Variants in CPNE4 observed in about 807,000 individuals in gnomAD.
The protein encoded by CPNE4 is copine-4.
CPNE4 carries 25 observed loss-of-function variants against 67.9 expected under a neutral mutation model. The observed-to-expected ratio is 0.37, with a 90% CI of 0.27 to 0.51. CPNE4 has a LOEUF of 0.51. CPNE4 is among the 20% of genes least tolerant of loss of function. The pLI is 0.93. For synonymous variants in CPNE4, 242 were observed against 244.9 expected (o/e 0.99, Z 0.11); for missense variants, 464 against 690.8 (o/e 0.67, Z 3.68).
intron 2 of CPNE4, among the ~76,000 whole-genome samples, chr3:131,877,152 A>T (rs896394206): frequency 6.6e-6 from 1 of 152,192 alleles, no homozygotes; most frequent in African/African-American, 2.4e-5. Context: ...CCATTGAGAT[A>T]TAAGCAGAAA....
At position 131,853,523 on chromosome 3, in the gene CPNE4, G is replaced by C. The variant is rs141102703; in HGVS notation, c.180+51741C>G. 5.6e-3 allele frequency among the ~76,000 whole-genome samples: 840 copies of C among 151,244 alleles called. 4 individuals are homozygous for C. Among genetic ancestry groups the C allele is most frequent in the Non-Finnish European group, 8.5e-3 (574 of 67,608 alleles). On this transcript the variant is annotated intron_variant, in intron 2 of 15. Coordinates refer to ENST00000429747, the MANE Select transcript of CPNE4 (RefSeq NM_130808.3). ...CTTTGGGAAAGACAATTATTTCTTG[G>C]GTAAGATACAACATGCAATAAACAT...
intron 1 of CPNE4, among the ~76,000 whole-genome samples, chr3:131,915,047 T>C (rs915361656): frequency 6.6e-6 from 1 of 151,932 alleles, no homozygotes; most frequent in African/African-American, 2.4e-5. Context: ...TAAAACACAC[T>C]GTTTTATTTA....
chr3:131,753,859 A>G (rs2175758), intron 2 of CPNE4, among the ~76,000 whole-genome samples: 31,593 of 152,014 alleles, frequency 0.21, 4,040 homozygotes, highest in Non-Finnish European at 0.28. Flanking sequence ...GCAAACTATT[A>G]GCAACATCTA....
At chr3:131,700,672 A>G (rs1233590473) in intron 3 of CPNE4, among the ~76,000 whole-genome samples, 1 of 152,180 alleles carries the variant, frequency 6.6e-6, no homozygotes, top group Admixed American at 6.5e-5. Context: ...GCAACCCATG[A>G]TTCTCAAAGG....
intron 2 of CPNE4, among the ~76,000 whole-genome samples, chr3:131,882,137 T>TACAC (rs35615774): frequency 3.0e-4 from 45 of 150,782 alleles, no homozygotes; most frequent in East Asian, 1.9e-3. Context: ...TCAGTTCTAA[T>TACAC]ACACACACAC....
chr3:131,727,395 C>T (rs2107753952), intron 2 of CPNE4, among the ~76,000 whole-genome samples: 1 of 152,036 alleles, frequency 6.6e-6, no homozygotes, highest in African/African-American at 2.4e-5. Context: ...GAAATCAAGA[C>T]CATCCTGCCT....
intron 1 of CPNE4, among the ~76,000 whole-genome samples, chr3:132,015,431 G>A (rs2073867997): frequency 6.6e-6 from 1 of 152,026 alleles, no homozygotes; most frequent in African/African-American, 2.4e-5. Flanking sequence ...AGAAGGGAAG[G>A]AAAGCTCCAA....
At chr3:131,835,830 G>A (rs1661701244) in intron 2 of CPNE4, among the ~76,000 whole-genome samples, 1 of 152,172 alleles carries the variant, frequency 6.6e-6, no homozygotes, top group Non-Finnish European at 1.5e-5. Flanking sequence ...AAGCATGGCT[G>A]CTGCAGATAG....
intron 2 of CPNE4, among the ~76,000 whole-genome samples, chr3:131,897,267 C>T (rs1294786043): frequency 1.3e-5 from 2 of 152,070 alleles, no homozygotes; most frequent in African/African-American, 2.4e-5. Context: ...TCACTAGTCT[C>T]GTGACCTGAA....
chr3:131,997,173 G>A (rs1245107613), intron 1 of CPNE4, among the ~76,000 whole-genome samples: 1 of 152,028 alleles, frequency 6.6e-6, no homozygotes, highest in Non-Finnish European at 1.5e-5. Context: ...TTACTTCCCA[G>A]GATATTAAAA....
intron 2 of CPNE4, among the ~76,000 whole-genome samples, chr3:131,863,224 A>C (rs1322341309): frequency 6.6e-6 from 1 of 152,214 alleles, no homozygotes; most frequent in African/African-American, 2.4e-5. Context: ...GTACATACCC[A>C]GTAATGGGAT....
chr3:131,622,890 CAGA>C (rs1559999782), intron 7 of CPNE4, among the ~76,000 whole-genome samples: 1 of 152,186 alleles, frequency 6.6e-6, no homozygotes, highest in African/African-American at 2.4e-5. Context: ...CCCTAGAACA[CAGA>C]AGTTTATCAT....
chr3:131,652,813 G>C (rs1349206784), intron 7 of CPNE4, among the ~76,000 whole-genome samples: 1 of 152,174 alleles, frequency 6.6e-6, no homozygotes, highest in Non-Finnish European at 1.5e-5. Flanking sequence ...TTGTCCAACT[G>C]TCCTGGTTCA....
Position 131,979,231 on chromosome 3 carries a change from C to T in CPNE4, c.-2+55336G>A, listed in dbSNP as rs555160255. On this transcript the variant is annotated intron_variant, in intron 1 of 15. Coordinates refer to ENST00000429747, the MANE Select transcript of CPNE4 (RefSeq NM_130808.3). ...TCCATTTGTTCCATATAGTTTAAAT[C>T]GTTTCTTTGTTGACTTTGTCTTGAT... 3.3e-5 allele frequency among the ~76,000 whole-genome samples: 5 copies of T among 151,908 alleles called. No homozygotes were observed. The East Asian group carries it at 7.7e-4, about 24-fold the overall frequency.
At chr3:131,765,013 G>A (rs1490997186) in intron 2 of CPNE4, among the ~76,000 whole-genome samples, 1 of 152,232 alleles carries the variant, frequency 6.6e-6, no homozygotes, top group East Asian at 1.9e-4. Flanking sequence ...CCTAAAGGAG[G>A]TGTATGATGC....
chr3:131,735,261 G>C lies in CPNE4; in HGVS notation c.181-11636C>G, dbSNP rs566154524. On this transcript the variant is annotated intron_variant, in intron 2 of 15. Coordinates refer to ENST00000429747, the MANE Select transcript of CPNE4 (RefSeq NM_130808.3). ...AACCCTACTGCAAAAACATCAGTCA[G>C]AGAGGACCTCACACCTCTCCAGACT... Among the ~76,000 whole-genome samples, 4 of 152,334 alleles carry C rather than the reference G, an allele frequency of 2.6e-5. No individual in the cohort carries two copies. In the South Asian group the frequency reaches 8.3e-4, roughly 32 times the overall value.
chr3:131,593,821 C>T (rs978221192), intron 7 of CPNE4, among the ~76,000 whole-genome samples: 1 of 152,146 alleles, frequency 6.6e-6, no homozygotes, highest in Admixed American at 6.5e-5. Context: ...AAGCGATTCT[C>T]CTGCCTCAGC....
At chr3:131,733,082 CAT>C (rs1400395703) in intron 2 of CPNE4, among the ~76,000 whole-genome samples, 1 of 152,224 alleles carries the variant, frequency 6.6e-6, no homozygotes, top group Non-Finnish European at 1.5e-5. Flanking sequence ...CTGTTTTACA[CAT>C]GAGGAAACTT....
intron 2 of CPNE4, among the ~76,000 whole-genome samples, chr3:131,848,967 A>AAACAAAAC (rs2086119580): frequency 6.8e-6 from 1 of 146,390 alleles, no homozygotes; most frequent in African/African-American, 2.5e-5. Context: ...AAAAAAAAAA[A>AAACAAAAC]AAAAAAAAAA....
Sources: gnomAD v4.1 joint callset for allele counts (sites outside exome capture counted in the v4.1 genomes callset) on GRCh38, gnomAD v4.1.1 for gene constraint, MANE v1.5 for transcripts, NCBI Gene and HGNC (gene_info 2026-07-23, HGNC 2026-07-21) for gene names.